Variants in SOX6 observed in about 807,000 individuals in gnomAD.
SOX6 encodes transcription factor SOX-6.
In SOX6, 11 loss-of-function variants were observed where a neutral mutation model predicts 97.8. That is an observed-to-expected ratio of 0.11 (90% confidence interval 0.07 to 0.19). The LOEUF (loss-of-function observed/expected upper bound fraction) is 0.19. SOX6 is among the 10% of genes least tolerant of loss of function. SOX6 has a pLI of 1.00. For synonymous variants in SOX6, 360 were observed against 371.4 expected (o/e 0.97, Z 0.35); for missense variants, 810 against 1,039.5 (o/e 0.78, Z 3.04).
chr11:16,698,355 CCT>C (rs1848069198), intron 3 of SOX6, among the ~76,000 whole-genome samples: 1 of 152,326 alleles, frequency 6.6e-6, no homozygotes, highest in Admixed American at 6.5e-5. Context: ...AGTTTCTTCA[CCT>C]CTCTCTGCCT....
chr11:16,191,372 C>A (rs555611541), intron 4 of SOX6, among the ~76,000 whole-genome samples: 1 of 151,978 alleles, frequency 6.6e-6, no homozygotes, highest in Non-Finnish European at 1.5e-5. Flanking sequence ...GAGGCAGGAG[C>A]ATTACTCGAG....
chr11:16,604,820 G>A (rs571659839), intron 4 of SOX6, among the ~76,000 whole-genome samples: 5 of 152,350 alleles, frequency 3.3e-5, no homozygotes, highest in African/African-American at 7.2e-5. Context: ...GTCCGCCTAA[G>A]AGACCGTAAA....
intron 3 of SOX6, among the ~76,000 whole-genome samples, chr11:16,309,953 T>C (rs1158007907): frequency 5.9e-5 from 9 of 152,106 alleles, no homozygotes. Context: ...CTGCATCCTC[T>C]TTCTAAACAA....
At chr11:16,105,774 A>G (rs1395924350) in intron 7 of SOX6, among the ~76,000 whole-genome samples, 1 of 152,078 alleles carries the variant, frequency 6.6e-6, no homozygotes, top group Non-Finnish European at 1.5e-5. Flanking sequence ...AACTATTTGT[A>G]TTTGCAAATG....
intron 3 of SOX6, among the ~76,000 whole-genome samples, chr11:16,304,400 G>A (rs1033225368): frequency 6.6e-6 from 1 of 152,102 alleles, no homozygotes; most frequent in Admixed American, 6.5e-5. Flanking sequence ...TTATAAAAGA[G>A]GTCTGAGGGA....
intron 9 of SOX6, among the ~76,000 whole-genome samples, chr11:16,059,357 G>A (rs1410946256): frequency 6.6e-6 from 1 of 151,870 alleles, no homozygotes; most frequent in African/African-American, 2.4e-5. Context: ...CCACTACCTT[G>A]ATGGTCACAT....
At chr11:16,552,195 T>C (rs969231937) in intron 4 of SOX6, among the ~76,000 whole-genome samples, 1 of 152,056 alleles carries the variant, frequency 6.6e-6, no homozygotes, top group East Asian at 1.9e-4. Context: ...TGACAAATCA[T>C]AAAGTAAAAC....
At position 15,972,879 on chromosome 11, in the gene SOX6, T is replaced by A; in HGVS notation, c.2417A>T (p.Asp806Val). The change falls in exon 16 of 16, where the codon GAC (aspartate) becomes GTC (valine). Residue 806 changes from aspartate (D) to valine (V), a missense_variant. Asp to Val is a radical substitution (Grantham distance 152, BLOSUM62 -3). This residue lies in a region of SOX6 where 122 missense variants were observed against 153.4 expected (regional missense o/e 0.80). Coordinates refer to ENST00000683767, the MANE Select transcript of SOX6 (RefSeq NM_001367873.1). ...NGEDEMEMYD[D>V]YEDDPKSDYS... ...GTCTGATTTGGGGTCATCTTCATAG[T>A]CATCATACATTTCCATTTCATCCTC... 3 of 1,614,236 alleles carry A rather than the reference T, an allele frequency of 1.9e-6. No homozygotes were observed. The highest frequency in any genetic ancestry group is 2.5e-6 in the Non-Finnish European group (3 of 1,180,034).
At chr11:16,516,264 A>G (rs1416381870) in intron 4 of SOX6, among the ~76,000 whole-genome samples, 3 of 151,846 alleles carry the variant, frequency 2.0e-5, no homozygotes, top group East Asian at 1.9e-4. Flanking sequence ...GGTCCTTCAC[A>G]TCCCTTGTAA....
At chr11:16,600,049 G>A (rs952093648) in intron 4 of SOX6, among the ~76,000 whole-genome samples, 1 of 152,180 alleles carries the variant, frequency 6.6e-6, no homozygotes, top group Non-Finnish European at 1.5e-5. Flanking sequence ...GAAAAGTGTG[G>A]ACTGGCATAA....
At chr11:16,274,832 A>C (rs1854350615) in intron 3 of SOX6, among the ~76,000 whole-genome samples, 1 of 152,150 alleles carries the variant, frequency 6.6e-6, no homozygotes, top group South Asian at 2.1e-4. Flanking sequence ...CCCCTAAATA[A>C]ATTATTAGGC....
intron 3 of SOX6, among the ~76,000 whole-genome samples, chr11:16,302,972 TA>T (rs36074970): frequency 0.17 from 25,646 of 152,106 alleles, 2,642 homozygotes; most frequent in Admixed American, 0.29. Flanking sequence ...TATGAGCTAC[TA>T]AAAAACAATA....
At chr11:16,063,496 T>TTATATATATA (rs66968164) in intron 9 of SOX6, among the ~76,000 whole-genome samples, 2 of 35,682 alleles carry the variant, frequency 5.6e-5, no homozygotes, top group Non-Finnish European at 1.0e-4. Context: ...TACCATAATT[T>TTATATATATA]TATATATATA....
chr11:16,231,223 C>T (rs1852839239), intron 4 of SOX6, among the ~76,000 whole-genome samples: 1 of 151,464 alleles, frequency 6.6e-6, no homozygotes, highest in Admixed American at 6.6e-5. Context: ...TGACAAAATG[C>T]AACATATATC....
chr11:16,452,012 A>AAATAAATAAATT (rs1554968282), intron 1 of SOX6, among the ~76,000 whole-genome samples: 1 of 142,104 alleles, frequency 7.0e-6, no homozygotes, highest in East Asian at 2.1e-4. Flanking sequence ...ATAAATAAAT[A>AAATAAATAAATT]AAATAAAATT....
At chr11:16,029,825 A>T (rs1855315794) in intron 12 of SOX6, among the ~76,000 whole-genome samples, 1 of 152,184 alleles carries the variant, frequency 6.6e-6, no homozygotes, top group East Asian at 1.9e-4. Context: ...TTAAGAGAAG[A>T]TCATGAATAT....
chr11:16,138,700 C>A lies in SOX6; in HGVS notation c.778-26777G>T, dbSNP rs1046412752. The stretch of plus-strand genomic sequence containing the variant: ...TATCTCCTAATGCTATCCCTCCCCC[C>A]TCCTCCCACCCCACAACAGTCCCCA... On this transcript the variant is annotated intron_variant, in intron 6 of 15. Transcript: ENST00000683767. Among the ~76,000 whole-genome samples the A allele has an allele frequency of 2.0e-5, 3 of 152,102 alleles. No individual in the cohort carries two copies. The South Asian group carries it at 6.2e-4, about 32-fold the overall frequency.
At chr11:16,098,213 C>G (rs1236894487) in intron 7 of SOX6, among the ~76,000 whole-genome samples, 1 of 151,760 alleles carries the variant, frequency 6.6e-6, no homozygotes, top group Non-Finnish European at 1.5e-5. Context: ...GACAGCTAAT[C>G]TTATCTTCCA....
intron 3 of SOX6, among the ~76,000 whole-genome samples, chr11:16,659,097 T>TA (rs936307562): frequency 2.0e-5 from 3 of 152,256 alleles, no homozygotes; most frequent in Admixed American, 6.5e-5. Context: ...GTGCTGTATC[T>TA]AAAAAATCAC....
Sources: allele counts gnomAD v4.1 joint callset (sites outside exome capture counted in the v4.1 genomes callset), GRCh38; gene constraint gnomAD v4.1.1; regional missense constraint gnomAD v4.1.1; transcripts MANE v1.5; gene names NCBI Gene and HGNC (gene_info 2026-07-23, HGNC 2026-07-21).